Variants in CNTNAP2 observed in about 807,000 individuals in gnomAD.
CNTNAP2 encodes contactin-associated protein-like 2.
Under a neutral mutation model 155.2 loss-of-function variants are expected in CNTNAP2, and 98 were observed. The observed-to-expected ratio is 0.63, with a 90% CI of 0.54 to 0.75. The LOEUF (loss-of-function observed/expected upper bound fraction) is 0.75. CNTNAP2 is among the 30% of genes least tolerant of loss of function. CNTNAP2 has a pLI of 0.00. For synonymous variants in CNTNAP2, 651 were observed against 631.2 expected (o/e 1.03, Z -0.47); for missense variants, 1,727 against 1,688.1 (o/e 1.02, Z -0.40).
chr7:146,935,769 C>T (rs1212297300), intron 3 of CNTNAP2, among the ~76,000 whole-genome samples: 1 of 152,122 alleles, frequency 6.6e-6, no homozygotes, highest in East Asian at 1.9e-4. Flanking sequence ...ATTACAGACA[C>T]TCAGTTGTAG....
chr7:146,959,390 T>C (rs1797507633), intron 3 of CNTNAP2, among the ~76,000 whole-genome samples: 1 of 152,088 alleles, frequency 6.6e-6, no homozygotes, highest in South Asian at 2.1e-4. Flanking sequence ...ATACACAATC[T>C]AGAGTCAAGA....
intron 15 of CNTNAP2, among the ~76,000 whole-genome samples, chr7:148,042,100 T>C (rs995048519): frequency 4.6e-5 from 7 of 152,216 alleles, no homozygotes; most frequent in African/African-American, 1.7e-4. Context: ...TCGCCTGATT[T>C]ATTTCTGTTA....
chr7:148,179,639 G>GAGTGGGAAGGAGAGAA (rs1413704548), intron 18 of CNTNAP2, among the ~76,000 whole-genome samples: 2 of 90,880 alleles, frequency 2.2e-5, no homozygotes, highest in Non-Finnish European at 4.5e-5. Context: ...GAGAGAAAGA[G>GAGTGGGAAGGAGAGAA]AGAAAGAGTG....
rs78027206 is a variant in CNTNAP2, at chr7:147,599,523, C to G, written c.1897+37266C>G. Among the ~76,000 whole-genome samples, 428 of 147,784 alleles carry G rather than the reference C, an allele frequency of 2.9e-3. 2 individuals are homozygous for G. The highest frequency in any genetic ancestry group is 3.0e-3 in the Non-Finnish European group (200 of 66,986). On this transcript the variant is annotated intron_variant, in intron 12 of 23. Coordinates refer to ENST00000361727, the MANE Select transcript of CNTNAP2 (RefSeq NM_014141.6). ...AAAAAAAATACCATGAACTAGGTGACAAAATAACAGAAATTTATCCTCTCA... is the reference window on the plus strand; with the variant it reads ...AAAAAAAATACCATGAACTAGGTGAGAAAATAACAGAAATTTATCCTCTCA...
At chr7:147,599,411 A>G (rs1800898243) in intron 12 of CNTNAP2, among the ~76,000 whole-genome samples, 1 of 146,496 alleles carries the variant, frequency 6.8e-6, no homozygotes, top group Non-Finnish European at 1.5e-5. Context: ...TTAACCCAGG[A>G]GGTGGAGGTT....
At chr7:148,044,175 T>A (rs1195747360) in intron 15 of CNTNAP2, among the ~76,000 whole-genome samples, 1 of 151,362 alleles carries the variant, frequency 6.6e-6, no homozygotes, top group Non-Finnish European at 1.5e-5. Flanking sequence ...GGCCAACTAA[T>A]AGCTTGTTAA....
intron 1 of CNTNAP2, among the ~76,000 whole-genome samples, chr7:146,241,374 TCTATATAGGC>T (rs778762721): frequency 1.1e-4 from 16 of 152,178 alleles, no homozygotes; most frequent in Non-Finnish European, 1.5e-4. Context: ...ATTAAACTAG[TCTATATAGGC>T]CATCACATAA....
At chr7:146,296,188 C>T (rs893807635) in intron 1 of CNTNAP2, among the ~76,000 whole-genome samples, 10 of 152,230 alleles carry the variant, frequency 6.6e-5, no homozygotes, top group South Asian at 2.1e-4. Context: ...AGCAGAACAG[C>T]GGACCCCAGC....
In CNTNAP2 at chr7:147,102,282, G is replaced by GAAAAAA. The variant is rs555981471; in HGVS notation, c.551-5855_551-5850dup. Among the ~76,000 whole-genome samples the GAAAAAA allele has an allele frequency of 8.9e-3, 989 of 110,594 alleles. 33 individuals carry two copies. Among genetic ancestry groups the GAAAAAA allele is most frequent in the African/African-American group, 0.032 (911 of 28,246 alleles). The allele number at this position is 110,594 out of a possible 152,430, so 72.6% of individuals were successfully genotyped here. A position where few individuals can be genotyped will look rare whatever the true frequency, so the allele number is the denominator to read the frequency against. On this transcript the variant is annotated intron_variant, in intron 4 of 23. Coordinates refer to ENST00000361727, the MANE Select transcript of CNTNAP2 (RefSeq NM_014141.6). ...GTCGCTAAATGTAGGTAGGCAAAAAGAAAAAAAAAAAAAAAGAAGCTCAAG... is the reference window on the plus strand; with the variant it reads ...GTCGCTAAATGTAGGTAGGCAAAAAGAAAAAAAAAAAAAAAAAAAAAGAAGCTCAAG...
chr7:147,974,058 C>A (rs993868683), intron 14 of CNTNAP2, among the ~76,000 whole-genome samples: 1 of 149,286 alleles, frequency 6.7e-6, no homozygotes, highest in African/African-American at 2.6e-5. Flanking sequence ...GTAATGCCTG[C>A]TTTTAGTATT....
At chr7:147,587,962 G>T (rs536515633) in intron 12 of CNTNAP2, among the ~76,000 whole-genome samples, 10 of 152,180 alleles carry the variant, frequency 6.6e-5, no homozygotes, top group African/African-American at 2.4e-4. Context: ...AAATAAATTT[G>T]CTTTCCTGAG....
intron 1 of CNTNAP2, among the ~76,000 whole-genome samples, chr7:146,656,373 A>G (rs1014063366): frequency 6.6e-6 from 1 of 152,236 alleles, no homozygotes; most frequent in African/African-American, 2.4e-5. Context: ...AGTAACAAAA[A>G]AAAGAAATCA....
chr7:148,158,757 G>C (rs1328635960), intron 17 of CNTNAP2, among the ~76,000 whole-genome samples: 1 of 152,182 alleles, frequency 6.6e-6, no homozygotes, highest in Non-Finnish European at 1.5e-5. Flanking sequence ...AATTGGAATG[G>C]TCTGATGCAG....
chr7:146,632,303 A>C (rs1397473949), intron 1 of CNTNAP2, among the ~76,000 whole-genome samples: 3 of 152,176 alleles, frequency 2.0e-5, no homozygotes, highest in African/African-American at 7.2e-5. Context: ...TTTTCATTTC[A>C]TGTGAATATA....
chr7:148,095,048 G>A (rs1328774139), intron 15 of CNTNAP2, among the ~76,000 whole-genome samples: 1 of 152,082 alleles, frequency 6.6e-6, no homozygotes, highest in East Asian at 1.9e-4. Flanking sequence ...AGAGAATAAC[G>A]TCCTGAAAGT....
intron 13 of CNTNAP2, among the ~76,000 whole-genome samples, chr7:147,838,773 C>A (rs560418458): frequency 1.3e-5 from 2 of 152,174 alleles, no homozygotes; most frequent in Non-Finnish European, 2.9e-5. Context: ...CCCACATTTT[C>A]CTGTCTTCTT....
At chr7:146,346,907 G>GT (rs1794826809) in intron 1 of CNTNAP2, among the ~76,000 whole-genome samples, 1 of 151,946 alleles carries the variant, frequency 6.6e-6, no homozygotes, top group African/African-American at 2.4e-5. Context: ...GGAGAATAAG[G>GT]TTTTTTTGTT....
At chr7:146,401,045 C>T (rs1795706886) in intron 1 of CNTNAP2, among the ~76,000 whole-genome samples, 1 of 152,150 alleles carries the variant, frequency 6.6e-6, no homozygotes, top group Non-Finnish European at 1.5e-5. Flanking sequence ...TCTTCCAGAA[C>T]ACATTTAAGA....
chr7:147,077,844 A>G (rs1447560387), intron 4 of CNTNAP2, among the ~76,000 whole-genome samples: 2 of 152,196 alleles, frequency 1.3e-5, no homozygotes, highest in Non-Finnish European at 2.9e-5. Flanking sequence ...AGCAAGTACT[A>G]TATAAATGTA....
Sources: allele counts gnomAD v4.1 joint callset (sites outside exome capture counted in the v4.1 genomes callset), GRCh38; gene constraint gnomAD v4.1.1; transcripts MANE v1.5; gene names NCBI Gene and HGNC (gene_info 2026-07-23, HGNC 2026-07-21).